The following GHRL variants were observed in gnomAD, a reference collection of about 807,000 sequenced individuals.
GHRL encodes ghrelin and obestatin prepropeptide.
A neutral mutation model predicts 16.9 loss-of-function variants in GHRL; 24 were observed. That is an observed-to-expected ratio of 1.42 (90% confidence interval 1.03 to 2.00). GHRL has a LOEUF of 2.00. Among genes scored for constraint, GHRL ranks in the 30% most tolerant of loss-of-function variants. GHRL has a pLI of 0.00. For synonymous variants in GHRL, 63 were observed against 58.2 expected (o/e 1.08, Z -0.37); for missense variants, 193 against 142.1 (o/e 1.36, Z -1.82).
At chr3:10,286,372 C>A (rs1047358945) in intron 5 of GHRL, among the ~76,000 whole-genome samples, 1 of 152,190 alleles carries the variant, frequency 6.6e-6, no homozygotes, top group Non-Finnish European at 1.5e-5. Context: ...TAAAGTTACG[C>A]AGTGAAGACG....
chr3:10,289,603 C>T (rs910774253), intron 4 of GHRL, among the ~76,000 whole-genome samples, 159 bp downstream of exon 4: 1 of 152,166 alleles, frequency 6.6e-6, no homozygotes, highest in African/African-American at 2.4e-5. Context: ...AAAGACCTCA[C>T]AGAGCCCAGG....
rs1699951028 is a variant in GHRL at position 10,291,168 on chromosome 3, G to A, written c.-482C>T. 2 of 985,560 alleles carry A rather than the reference G, an allele frequency of 2.0e-6. No homozygotes were observed. Among genetic ancestry groups the A allele is most frequent in the Admixed American group, 6.1e-5 (1 of 16,270 alleles). 61.1% of individuals were successfully genotyped at this position (985,560 alleles called of 1,614,324 possible). On this transcript the variant is annotated 5_prime_UTR_variant, in exon 2 of 6. Coordinates refer to ENST00000335542, the MANE Select transcript of GHRL (RefSeq NM_016362.5). ...TTTCCCATGTGCTGTTGCTGCTCTG[G>A]CCTCTGTGAGCCCCGGGAGTCCGCA... is the stretch of plus-strand genomic sequence containing the variant.
intron 5 of GHRL, 44 bp from the exon 6 acceptor site, chr3:10,285,938 T>A: frequency 6.3e-7 from 1 of 1,580,596 alleles, no homozygotes; most frequent in Non-Finnish European, 8.7e-7. Context: ...TGCACCGTCC[T>A]GCTAGTGCTT....
At position 10,290,721 on chromosome 3, in the gene GHRL, G is replaced by A. The variant is rs2125217858; in HGVS notation, c.-35C>T. The A allele has an allele frequency of 1.0e-6, 1 of 1,002,006 alleles. No individual in the cohort carries two copies. Among genetic ancestry groups the A allele is most frequent in the Non-Finnish European group, 1.2e-6 (1 of 840,332 alleles). The allele number at this position is 1,002,006 out of a possible 1,614,324, so 62.1% of individuals were successfully genotyped here. ...GGAGAGTAGAGAGAGCTTACCTGCA[G>A]TTCCTGGCGGAGGTGGTGCCTGGTG... On this transcript the variant is annotated 5_prime_UTR_variant, in exon 2 of 6. Transcript: ENST00000335542.
intron 4 of GHRL, chr3:10,287,276 CT>C (rs1699222766): frequency 6.4e-6 from 1 of 155,304 alleles, no homozygotes; most frequent in African/African-American, 2.4e-5. Context: ...TCTCCTTTTT[CT>C]CCTTCCCTAG....
chr3:10,289,726 G>A (rs561158087), intron 4 of GHRL, 36 bp downstream of exon 4: 9 of 1,281,904 alleles, frequency 7.0e-6, no homozygotes, highest in African/African-American at 2.9e-5. Flanking sequence ...CACCCTCCTC[G>A]CTGCCACAGA....
intron 1 of GHRL, 101 bp downstream of exon 1, chr3:10,292,741 G>T: frequency 1.4e-6 from 1 of 719,044 alleles, no homozygotes; most frequent in Non-Finnish European, 2.4e-6. Flanking sequence ...AAGACTTGCA[G>T]CTTTTTCAGA....
At position 10,291,003 on chromosome 3, in the gene GHRL, G is replaced by A. The variant is rs1431936661; in HGVS notation, c.-317C>T. On this transcript the variant is annotated 5_prime_UTR_variant, in exon 2 of 6. Transcript: ENST00000335542. ...AGTGGGCATGGCCCTGGTGGAGGAGGGAGGGAGGAGAGTGGCTCTGGGGTC... is the reference window on the plus strand; with the variant it reads ...AGTGGGCATGGCCCTGGTGGAGGAGAGAGGGAGGAGAGTGGCTCTGGGGTC... The A allele has an allele frequency of 5.1e-6, 5 of 985,430 alleles. No homozygotes were observed. The highest frequency in any genetic ancestry group is 6.0e-6 in the Non-Finnish European group (5 of 829,892). 61.0% of individuals were successfully genotyped at this position (985,430 alleles called of 1,614,324 possible).
chr3:10,287,913 A>ATTTTTTTTTTTTTTTTTTTTT (rs1576049089), intron 4 of GHRL: 1 of 87,952 alleles, frequency 1.1e-5, no homozygotes. Context: ...GACATGATTG[A>ATTTTTTTTTTTTTTTTTTTTT]ATTTTTTTTT....
rs1559471140 is a variant in GHRL at position 10,286,695 on chromosome 3, A to C, written c.334+9T>G. On this transcript the variant is annotated intron_variant, in intron 5 of 5. Transcript: ENST00000335542. ...GAAACCGAGCAAACCCAGTCCAGGCAGGACTCACCTTTGGCCTCTTCCCAG... is the reference window on the plus strand; with the variant it reads ...GAAACCGAGCAAACCCAGTCCAGGCCGGACTCACCTTTGGCCTCTTCCCAG... The C allele has an allele frequency of 6.8e-7, 1 of 1,469,802 alleles. No individual in the cohort carries two copies. Among genetic ancestry groups the C allele is most frequent in the Non-Finnish European group, 9.5e-7 (1 of 1,048,006 alleles). The allele number at this position is 1,469,802 out of a possible 1,614,324, so 91.0% of individuals were successfully genotyped here. A position where few individuals can be genotyped will look rare whatever the true frequency, so the allele number is the denominator to read the frequency against.
At position 10,290,858 on chromosome 3, in the gene GHRL, G is replaced by C; in HGVS notation, c.-172C>G. 1.0e-6 allele frequency: 1 copy of C among 985,840 alleles called. No homozygotes were observed. Among genetic ancestry groups the C allele is most frequent in the Non-Finnish European group, 1.2e-6 (1 of 830,208 alleles). 61.1% of individuals were successfully genotyped at this position (985,840 alleles called of 1,614,324 possible). ...TGTACATTCCTTGGGAACTAAAAAT[G>C]TTCTTGTCCTCTGGGTAGAAGTCAA... On this transcript the variant is annotated 5_prime_UTR_variant, in exon 2 of 6. Transcript: ENST00000335542.
rs1576049089 is a variant in GHRL at position 10,287,913 on chromosome 3, A to ATTTTTTTTTTTT, written c.226-1102_226-1101insAAAAAAAAAAAA. On this transcript the variant is annotated intron_variant, in intron 4 of 5. Coordinates refer to ENST00000335542, the MANE Select transcript of GHRL (RefSeq NM_016362.5). ...GACCCAGTGGGGAATGACATGATTGAATTTTTTTTTTTTTTTTTTTTTTTT... is the reference window on the plus strand; with the variant it reads ...GACCCAGTGGGGAATGACATGATTGATTTTTTTTTTTTATTTTTTTTTTTTTTTTTTTTTTTT... 9 of 87,952 alleles carry ATTTTTTTTTTTT rather than the reference A, an allele frequency of 1.0e-4. 2 individuals carry two copies. The highest frequency in any genetic ancestry group is 1.4e-4 in the African/African-American group (4 of 28,938). 5.4% of individuals were successfully genotyped at this position (87,952 alleles called of 1,614,324 possible). A position where few individuals can be genotyped will look rare whatever the true frequency, so the allele number is the denominator to read the frequency against.
intron 4 of GHRL, among the ~76,000 whole-genome samples, chr3:10,289,218 C>T (rs1699555315): frequency 1.3e-5 from 2 of 152,228 alleles, no homozygotes; most frequent in South Asian, 4.1e-4. Flanking sequence ...GTTGTCTTAA[C>T]TTTCTCCTTG....
chr3:10,289,827 C>CT lies in GHRL; in HGVS notation c.159dup (p.Ala54SerfsTer18). 1 of 1,613,884 alleles carries CT rather than the reference C, an allele frequency of 6.2e-7. No individual in the cohort carries two copies. Among genetic ancestry groups the CT allele is most frequent in the South Asian group, 1.1e-5 (1 of 91,068 alleles). ...CCATCTTCCGGGCGGAGCCAGCCTG[C>CT]TAGAGCTCGGGGCTGCAGCTTGGCT... On this transcript the variant is annotated frameshift_variant, in exon 4 of 6. Transcript: ENST00000335542. LOFTEE classifies it high-confidence loss of function.
At chr3:10,289,102 C>T (rs1699531569) in intron 4 of GHRL, among the ~76,000 whole-genome samples, 1 of 152,212 alleles carries the variant, frequency 6.6e-6, no homozygotes, top group South Asian at 2.1e-4. Flanking sequence ...GAAATGGTGT[C>T]ACCAACCAAA....
In GHRL at chr3:10,291,327, T is replaced by C. The variant is rs1699984124; in HGVS notation, c.-641A>G. The C allele has an allele frequency of 1.0e-6, 1 of 985,426 alleles. No individual in the cohort carries two copies. The highest frequency in any genetic ancestry group is 1.7e-5 in the African/African-American group (1 of 57,250). 61.0% of individuals were successfully genotyped at this position (985,426 alleles called of 1,614,324 possible). On this transcript the variant is annotated 5_prime_UTR_variant, in exon 2 of 6. Coordinates refer to ENST00000335542, the MANE Select transcript of GHRL (RefSeq NM_016362.5). ...AGCCAGTGGCTATGCTTCAGTCATT[T>C]CTGCCAGGTGTGACATGACTGCCTG...
rs1699774916 is a variant in GHRL, at chr3:10,290,221, A to G, written c.-29-12T>C. The G allele has an allele frequency of 6.3e-7, 1 of 1,582,654 alleles. No homozygotes were observed. Among genetic ancestry groups the G allele is most frequent in the South Asian group, 1.1e-5 (1 of 87,024 alleles). On this transcript the variant is annotated splice_polypyrimidine_tract_variant and intron_variant, in intron 2 of 5. Coordinates refer to ENST00000335542, the MANE Select transcript of GHRL (RefSeq NM_016362.5). The stretch of plus-strand genomic sequence containing the variant: ...GCAGACAGGTGGGCCTGGGGGAGAG[A>G]GGGTCTCCAGGCAGCTGCCTCCCCT...
intron 1 of GHRL, among the ~76,000 whole-genome samples, chr3:10,291,861 G>A (rs922670546): frequency 6.6e-6 from 1 of 152,130 alleles, no homozygotes; most frequent in Non-Finnish European, 1.5e-5. Flanking sequence ...TGGTGAACTC[G>A]GGGCAGGGCT....
chr3:10,290,334 G>GTC, intron 2 of GHRL, 125 bp from the exon 3 acceptor site: 1 of 859,934 alleles, frequency 1.2e-6, no homozygotes, highest in Non-Finnish European at 1.8e-6. Flanking sequence ...GCTGTGTAGA[G>GTC]AGGACCCCCG....
Sources: gnomAD v4.1 joint callset for allele counts (sites outside exome capture counted in the v4.1 genomes callset) on GRCh38, gnomAD v4.1.1 for gene constraint, MANE v1.5 for transcripts, NCBI Gene and HGNC (gene_info 2026-07-23, HGNC 2026-07-21) for gene names.